PACSIN3: variants seen among roughly 807,000 people sequenced by gnomAD.
The protein encoded by PACSIN3 is protein kinase C and casein kinase substrate in neurons protein 3.
In PACSIN3, 34 loss-of-function variants were observed where a neutral mutation model predicts 56.1. The ratio of observed to expected loss-of-function variants is 0.61; its 90% CI spans 0.46 to 0.81. The LOEUF is 0.81. Among genes scored for constraint, PACSIN3 ranks in the 30% least tolerant of loss-of-function variants. The pLI is 0.00. For synonymous variants in PACSIN3, 218 were observed against 229.8 expected, an observed-to-expected ratio of 0.95 and a Z score of 0.46; for missense variants, 535 against 592.4, an observed-to-expected ratio of 0.90 and a Z score of 1.01.
chr11:47,177,915 AG>A lies in PACSIN3; in HGVS notation c.*15del. On this transcript the variant is annotated 3_prime_UTR_variant, in exon 11 of 11. Coordinates refer to ENST00000298838, the MANE Select transcript of PACSIN3 (RefSeq NM_016223.5). Reference sequence around the variant, plus strand: ...AACCAGGGTGGGTAAACGTTGCAGAAGGGCTGTCAGGACACTCAGGCGCCCA... The same window carrying A: ...AACCAGGGTGGGTAAACGTTGCAGAAGGCTGTCAGGACACTCAGGCGCCCA... The A allele has an allele frequency of 1.3e-6, 2 of 1,594,560 alleles. No homozygotes were observed. The highest frequency in any genetic ancestry group is 1.7e-6 in the Non-Finnish European group (2 of 1,162,392).
chr11:47,177,655 A>C lies in PACSIN3; in HGVS notation c.*276T>G, dbSNP rs1952905190. ...CAGGAACCCCAAAGCAGAGGTCAGG[A>C]ACTGAGTCCACAGCTCCTGGGGAGG... On this transcript the variant is annotated 3_prime_UTR_variant, in exon 11 of 11. Transcript: ENST00000298838. The C allele has an allele frequency of 6.0e-6, 3 of 497,444 alleles. No homozygotes were observed. The highest frequency in any genetic ancestry group is 1.1e-5 in the Non-Finnish European group (3 of 278,552). 30.8% of individuals were successfully genotyped at this position (497,444 alleles called of 1,614,324 possible). A position where few individuals can be genotyped will look rare whatever the true frequency, so the allele number is the denominator to read the frequency against.
rs1175423167 is a variant in PACSIN3, at chr11:47,179,090, C to A, written c.901-60G>T. The stretch of plus-strand genomic sequence containing the variant: ...TCTGAACCACCTTCACTTACTTCAT[C>A]CCTAGCCCTGGCCGAGCTGAGTGGG... On this transcript the variant is annotated intron_variant, in intron 8 of 10. Coordinates refer to ENST00000298838, the MANE Select transcript of PACSIN3 (RefSeq NM_016223.5). This position sits in a 1 kb window ranked among gnomAD's most constrained non-coding sequence, Gnocchi z 4.4. 5.0e-6 allele frequency: 8 copies of A among 1,613,890 alleles called. No homozygotes were observed. Among genetic ancestry groups the A allele is most frequent in the Non-Finnish European group, 6.8e-6 (8 of 1,179,944 alleles).
In PACSIN3 at chr11:47,177,743, G is replaced by A. The variant is rs1952908226; in HGVS notation, c.*188C>T. 7 of 614,706 alleles carry A rather than the reference G, an allele frequency of 1.1e-5. No individual in the cohort carries two copies. Among genetic ancestry groups the A allele is most frequent in the Non-Finnish European group, 1.4e-5 (5 of 347,894 alleles). The allele number at this position is 614,706 out of a possible 1,614,324, so 38.1% of individuals were successfully genotyped here. The stretch of plus-strand genomic sequence containing the variant: ...CCCATCTTGCCCTCAGCCTAGACTC[G>A]TCCCTTCCCTACCAGTCCCTTCCCT... On this transcript the variant is annotated 3_prime_UTR_variant, in exon 11 of 11. Coordinates refer to ENST00000298838, the MANE Select transcript of PACSIN3 (RefSeq NM_016223.5).
chr11:47,178,939 G>T lies in PACSIN3; in HGVS notation c.992C>A (p.Thr331Lys). The T allele has an allele frequency of 6.2e-7, 1 of 1,614,064 alleles. No homozygotes were observed. Among genetic ancestry groups the T allele is most frequent in the Non-Finnish European group, 8.5e-7 (1 of 1,180,020 alleles). ...DEVTLTSIVP[T>K]RDGTAPPPQS... ...GGGTGGGGGTGCGGTGCCATCTCTT[G>T]TAGGCACAATGCTGGTCAGGGTAAC... Residue 331 changes from threonine (T) to lysine (K), a missense_variant, in exon 9 of 11, where the codon ACA becomes AAA. Coordinates refer to ENST00000298838, the MANE Select transcript of PACSIN3 (RefSeq NM_016223.5). The surrounding 1 kb of genome is among the most constrained non-coding windows in gnomAD (Gnocchi z 4.2).
At position 47,178,246 on chromosome 11, in the gene PACSIN3, G is replaced by C. The variant is rs1590969752; in HGVS notation, c.1159+120C>G. ...CACCAGGCACCAGCTATCTGGACCT[G>C]GAACAGCTGAAGGGACAGAGGACTG... is the stretch of plus-strand genomic sequence containing the variant. On this transcript the variant is annotated intron_variant, in intron 10 of 10. Coordinates refer to ENST00000298838, the MANE Select transcript of PACSIN3 (RefSeq NM_016223.5). The surrounding 1 kb of genome is among the most constrained non-coding windows in gnomAD (Gnocchi z 4.2). 7.1e-7 allele frequency: 1 copy of C among 1,401,984 alleles called. No homozygotes were observed. The highest frequency in any genetic ancestry group is 2.3e-5 in the East Asian group (1 of 43,570). The allele number at this position is 1,401,984 out of a possible 1,614,324, so 86.8% of individuals were successfully genotyped here. A position where few individuals can be genotyped will look rare whatever the true frequency, so the allele number is the denominator to read the frequency against.
rs1346855965 is a variant in PACSIN3, at chr11:47,178,998, G to C, written c.933C>G (p.Ser311Arg). 4.3e-6 allele frequency: 7 copies of C among 1,613,956 alleles called. No homozygotes were observed. Among genetic ancestry groups the C allele is most frequent in the Non-Finnish European group, 5.1e-6 (6 of 1,180,012 alleles). Residue 311 changes from serine to arginine, a missense_variant, in exon 9 of 11, where the codon AGC (serine) becomes AGG (arginine). Coordinates refer to ENST00000298838, the MANE Select transcript of PACSIN3 (RefSeq NM_016223.5). The surrounding 1 kb of genome is among the most constrained non-coding windows in gnomAD (Gnocchi z 4.2). ...GGCTCCGGCCACCCTTCTCTTTCCG[G>C]CTGATTGTCCTCTGTGTGTCCAAGG... Reference protein sequence around the residue: ...EWSLDTQRTISRKEKGGRSPD... With the variant: ...EWSLDTQRTIRRKEKGGRSPD...
chr11:47,181,409 G>A (rs936856726), intron 4 of PACSIN3, among the ~76,000 whole-genome samples: 4 of 152,224 alleles, frequency 2.6e-5, no homozygotes, highest in East Asian at 1.9e-4. Context: ...CAGTCAGAGG[G>A]CCTGGGCTCA....
chr11:47,185,334 G>A (rs1953099405), intron 1 of PACSIN3: 1 of 152,426 alleles, frequency 6.6e-6, no homozygotes, highest in Non-Finnish European at 1.5e-5. Flanking sequence ...CTTGCCCCTG[G>A]GAGGGAGCTC....
At chr11:47,185,915 G>A (rs765639050) in intron 1 of PACSIN3, 1 of 152,272 alleles carries the variant, frequency 6.6e-6, no homozygotes, top group African/African-American at 2.4e-5. Flanking sequence ...CCGCCAAGGG[G>A]AGGGGACGCC....
intron 3 of PACSIN3, 32 bp downstream of exon 3, chr11:47,182,642 C>A: frequency 6.2e-7 from 1 of 1,607,300 alleles, no homozygotes; most frequent in Non-Finnish European, 8.5e-7. Context: ...CTCCCCTAGA[C>A]AAGTAGCTGA....
At chr11:47,184,209 C>G (rs1953079751) in intron 1 of PACSIN3, 1 of 152,436 alleles carries the variant, frequency 6.6e-6, no homozygotes, top group Non-Finnish European at 1.5e-5. Context: ...TCTGAGCAGG[C>G]CCAAGGGACA....
At chr11:47,183,296 G>A (rs2135461852) in intron 1 of PACSIN3, 1 of 152,590 alleles carries the variant, frequency 6.6e-6, no homozygotes, top group East Asian at 1.9e-4. Flanking sequence ...CCAGGCTAGG[G>A]CCTCTGTTGC....
At position 47,180,171 on chromosome 11, in the gene PACSIN3, A is replaced by G; in HGVS notation, c.603+15T>C. On this transcript the variant is annotated intron_variant, in intron 6 of 10. Transcript: ENST00000298838. The stretch of plus-strand genomic sequence containing the variant: ...GCCCTGGGCGGGGGCCAGGGCTGGG[A>G]CCTGTGGCCTGTACCTTCTCGGCCT... 6.3e-7 allele frequency: 1 copy of G among 1,599,632 alleles called. No homozygotes were observed. The highest frequency in any genetic ancestry group is 8.5e-7 in the Non-Finnish European group (1 of 1,178,464).
In PACSIN3 at chr11:47,178,172, A is replaced by G. The variant is rs751562224; in HGVS notation, c.1160-126T>C. 34 of 1,139,638 alleles carry G rather than the reference A, an allele frequency of 3.0e-5. No homozygotes were observed. Among genetic ancestry groups the G allele is most frequent in the Non-Finnish European group, 4.1e-5 (32 of 786,288 alleles). 70.6% of individuals were successfully genotyped at this position (1,139,638 alleles called of 1,614,324 possible). On this transcript the variant is annotated intron_variant, in intron 10 of 10. Transcript: ENST00000298838. This position sits in a 1 kb window ranked among gnomAD's most constrained non-coding sequence, Gnocchi z 4.2. ...GCTAGCAAAGACATGGCTCAGGCAG[A>G]GGCAGGTCAAGGTCAGCAAGCTGCC...
At position 47,178,694 on chromosome 11, in the gene PACSIN3, C is replaced by A. The variant is rs1236239739; in HGVS notation, c.1037+200G>T. Among the ~76,000 whole-genome samples the A allele has an allele frequency of 6.6e-6, 1 of 152,164 alleles. No homozygotes were observed. The highest frequency in any genetic ancestry group is 1.5e-5 in the Non-Finnish European group (1 of 68,032). The stretch of plus-strand genomic sequence containing the variant: ...ACACGCAGCTGATTTAAGGCATAAA[C>A]GAGAGGGAATGTGGGAAATGCCCAG... On this transcript the variant is annotated intron_variant, in intron 9 of 10. Coordinates refer to ENST00000298838, the MANE Select transcript of PACSIN3 (RefSeq NM_016223.5). The surrounding 1 kb of genome is among the most constrained non-coding windows in gnomAD (Gnocchi z 4.2).
intron 1 of PACSIN3, among the ~76,000 whole-genome samples, chr11:47,183,586 A>C (rs567963807): frequency 6.6e-5 from 10 of 152,370 alleles, no homozygotes; most frequent in African/African-American, 2.4e-4. Context: ...GGGGCCCTGC[A>C]GTCACGGAAG....
At chr11:47,183,738 C>G (rs1465026706) in intron 1 of PACSIN3, among the ~76,000 whole-genome samples, 1 of 152,212 alleles carries the variant, frequency 6.6e-6, no homozygotes, top group African/African-American at 2.4e-5. Context: ...GAATGTCTCC[C>G]AGGCTGGGTG....
rs1952974054 is a variant in PACSIN3 at position 47,179,523 on chromosome 11, C to T, written c.667G>A (p.Asp223Asn). The T allele has an allele frequency of 6.2e-7, 1 of 1,613,916 alleles. No homozygotes were observed. The highest frequency in any genetic ancestry group is 1.7e-5 in the Admixed American group (1 of 60,024). The change falls in exon 7 of 11, where the codon GAC becomes AAC. Residue 223 changes from aspartate to asparagine, a missense_variant. Asp to Asn is a conservative substitution (Grantham distance 23). Transcript: ENST00000298838. This position sits in a 1 kb window ranked among gnomAD's most constrained non-coding sequence, Gnocchi z 4.4. ...LHRYTPRYME[D>N]MEQAFETCQA... ...CAGGTCTCAAAGGCCTGTTCCATGTCCTCCATGTAGCGTGGAGTGTAGCGA... is the reference window on the plus strand; with the variant it reads ...CAGGTCTCAAAGGCCTGTTCCATGTTCTCCATGTAGCGTGGAGTGTAGCGA...
At chr11:47,183,482 C>T (rs1174553162) in intron 1 of PACSIN3, among the ~76,000 whole-genome samples, 2 of 152,210 alleles carry the variant, frequency 1.3e-5, no homozygotes, top group Non-Finnish European at 2.9e-5. Context: ...CTAAGGAGGC[C>T]CCAGCTCCCT....
Sources: gnomAD v4.1 joint callset for allele counts (sites outside exome capture counted in the v4.1 genomes callset) on GRCh38, gnomAD v4.1.1 for gene constraint, Gnocchi (gnomAD v3.1) non-coding constraint, MANE v1.5 for transcripts, NCBI Gene and HGNC (gene_info 2026-07-23, HGNC 2026-07-21) for gene names.